The following CLNK variants were observed in gnomAD, a reference collection of about 807,000 sequenced individuals.
CLNK encodes the protein cytokine-dependent hematopoietic cell linker.
Under a neutral mutation model 68.6 loss-of-function variants are expected in CLNK, and 74 were observed. That is an observed-to-expected ratio of 1.08 (90% CI 0.89 to 1.31). The LOEUF is 1.31. Ranked by LOEUF, CLNK falls within the 50% of genes most tolerant of loss-of-function variation. CLNK has a pLI of 0.00. For synonymous variants in CLNK, 198 were observed against 172.2 expected, an observed-to-expected ratio of 1.15 and a Z score of -1.17; for missense variants, 553 against 515.3, an observed-to-expected ratio of 1.07 and a Z score of -0.71.
At chr4:10,721,256 T>C in the CLNK span, among the ~76,000 whole-genome samples, 3,210 of 152,194 alleles carry the variant, frequency 0.021, 55 homozygotes, top group East Asian at 0.056. Flanking sequence ...AAAAGTTCTG[T>C]ATCTTGACTG....
chr4:10,586,336 C>CTT (rs5856064), intron 3 of CLNK, among the ~76,000 whole-genome samples: 1 of 89,268 alleles, frequency 1.1e-5, no homozygotes, highest in African/African-American at 4.1e-5. Flanking sequence ...CTTTTTTTTT[C>CTT]TTTTTTTTTT....
chr4:10,491,460 A>T (rs1716568069), intron 18 of CLNK, among the ~76,000 whole-genome samples: 1 of 152,260 alleles, frequency 6.6e-6, no homozygotes. Flanking sequence ...TAGAAAGAAC[A>T]GGGACAACCA....
the CLNK span, among the ~76,000 whole-genome samples, chr4:10,704,480 C>T: frequency 2.0e-5 from 3 of 151,500 alleles, no homozygotes; most frequent in African/African-American, 7.3e-5. Context: ...TTCTTGCTGG[C>T]TGATGCCAGC....
At chr4:10,633,886 G>T (rs969813495) in intron 2 of CLNK, among the ~76,000 whole-genome samples, 3 of 152,214 alleles carry the variant, frequency 2.0e-5, no homozygotes, top group African/African-American at 7.2e-5. Flanking sequence ...GCTAAACAAT[G>T]TTGGGTGCTC....
intron 2 of CLNK, among the ~76,000 whole-genome samples, chr4:10,656,316 C>T (rs1203048103): frequency 3.2e-5 from 3 of 93,550 alleles, no homozygotes; most frequent in South Asian, 3.4e-4. Flanking sequence ...AATATGAAAA[C>T]GACAAATGCC....
At chr4:10,491,557 C>G (rs544045691) in intron 18 of CLNK, among the ~76,000 whole-genome samples, 1 of 152,116 alleles carries the variant, frequency 6.6e-6, no homozygotes, top group African/African-American at 2.4e-5. Context: ...TCTAGATACA[C>G]AGATAAAATG....
At chr4:10,644,450 G>A (rs577897198) in intron 2 of CLNK, among the ~76,000 whole-genome samples, 1 of 152,234 alleles carries the variant, frequency 6.6e-6, no homozygotes, top group African/African-American at 2.4e-5. Context: ...CCATTTTATA[G>A]ATGAGAAAAG....
intron 8 of CLNK, among the ~76,000 whole-genome samples, chr4:10,553,954 A>C (rs1719564276): frequency 6.6e-6 from 1 of 152,200 alleles, no homozygotes; most frequent in African/African-American, 2.4e-5. Flanking sequence ...CTTCCTGGGA[A>C]GGTGGTGAGG....
chr4:10,689,397 AGTGCT>A (rs1725383999), upstream of CLNK, among the ~76,000 whole-genome samples: 1 of 151,956 alleles, frequency 6.6e-6, no homozygotes, highest in South Asian at 2.1e-4. Context: ...GGCCTCCTAA[AGTGCT>A]GGGGTTACAG....
chr4:10,698,555 T>A, the CLNK span, among the ~76,000 whole-genome samples: 1 of 152,258 alleles, frequency 6.6e-6, no homozygotes, highest in African/African-American at 2.4e-5. Flanking sequence ...TTTCCTTTCA[T>A]GCTCAGATCC....
At chr4:10,591,147 A>G (rs1041402287) in intron 3 of CLNK, among the ~76,000 whole-genome samples, 2 of 152,184 alleles carry the variant, frequency 1.3e-5, no homozygotes, top group Admixed American at 6.5e-5. Flanking sequence ...GTGTCATCCT[A>G]GAGGTCGTGT....
chr4:10,702,996 G>A, the CLNK span, among the ~76,000 whole-genome samples: 1 of 152,186 alleles, frequency 6.6e-6, no homozygotes, highest in African/African-American at 2.4e-5. Flanking sequence ...TCCAGTGGAA[G>A]TGTATGTCAT....
chr4:10,504,193 T>C (rs941400872), intron 17 of CLNK, among the ~76,000 whole-genome samples: 9 of 135,866 alleles, frequency 6.6e-5, no homozygotes, highest in South Asian at 4.8e-4. Context: ...CAATCTCGGC[T>C]CACTGCAAGC....
chr4:10,522,201 T>C (rs1423108340), intron 14 of CLNK, among the ~76,000 whole-genome samples: 2 of 144,882 alleles, frequency 1.4e-5, no homozygotes, highest in African/African-American at 5.2e-5. Context: ...GAGGTTGCAG[T>C]GAGCCGAGAT....
At chr4:10,562,830 T>G (rs2108821294) in intron 7 of CLNK, among the ~76,000 whole-genome samples, 2 of 152,356 alleles carry the variant, frequency 1.3e-5, no homozygotes, top group South Asian at 4.1e-4. Context: ...TTATCTATTG[T>G]CTGTCTATTG....
rs58368200 is a variant in CLNK at position 10,489,682 on chromosome 4, T to TTTTTTTTTG, written c.*784_*785insCAAAAAAAA. 3.6e-5 allele frequency: 2 copies of TTTTTTTTTG among 54,990 alleles called. 1 individual carries two copies. Among genetic ancestry groups the TTTTTTTTTG allele is most frequent in the Admixed American group, 4.0e-4 (2 of 4,974 alleles). 3.4% of individuals were successfully genotyped at this position (54,990 alleles called of 1,614,324 possible). ...CCAACCCAACACCTTTTTTTTTTTT[T>TTTTTTTTTG]GAGACGGAGTCTCTCTGTCCCCAGG... On this transcript the variant is annotated 3_prime_UTR_variant, in exon 19 of 19. Coordinates refer to ENST00000226951, the MANE Select transcript of CLNK (RefSeq NM_052964.4).
chr4:10,703,880 T>A, the CLNK span, among the ~76,000 whole-genome samples: 1 of 152,210 alleles, frequency 6.6e-6, no homozygotes, highest in South Asian at 2.1e-4. Context: ...GGGACCACTG[T>A]TGTATATGCA....
intron 2 of CLNK, among the ~76,000 whole-genome samples, chr4:10,625,395 C>T (rs1370790965): frequency 6.6e-6 from 1 of 152,220 alleles, no homozygotes; most frequent in Non-Finnish European, 1.5e-5. Flanking sequence ...ACTGCCTCTG[C>T]CCTGAGCTTG....
At chr4:10,596,004 G>A (rs1721369553) in intron 3 of CLNK, among the ~76,000 whole-genome samples, 1 of 152,146 alleles carries the variant, frequency 6.6e-6, no homozygotes, top group African/African-American at 2.4e-5. Context: ...TAGTGAACAT[G>A]AGAGTCTACT....
Sources: gnomAD v4.1 joint callset for allele counts (sites outside exome capture counted in the v4.1 genomes callset) on GRCh38, gnomAD v4.1.1 for gene constraint, MANE v1.5 for transcripts, NCBI Gene and HGNC (gene_info 2026-07-23, HGNC 2026-07-21) for gene names.